APH1B: variants seen among roughly 807,000 people sequenced by gnomAD.
APH1B encodes aph-1B gamma-secretase subunit.
In APH1B, 27 loss-of-function variants were observed where a neutral mutation model predicts 28.2. That is an observed-to-expected ratio of 0.96 (90% CI 0.70 to 1.32). APH1B has a LOEUF of 1.32. Among genes scored for constraint, APH1B ranks in the 40% most tolerant of loss-of-function variants. The probability of loss-of-function intolerance (pLI) is 0.00; values close to 1 mark genes in which losing one functional copy is unlikely to be tolerated. For missense variants in APH1B, 305 were observed against 313.6 expected (o/e 0.97, Z 0.21); for synonymous variants, 141 against 124.6 (o/e 1.13, Z -0.88).
chr15:63,285,612 G>A lies in APH1B; in HGVS notation c.285-946G>A, dbSNP rs556371015. 7.9e-5 allele frequency among the ~76,000 whole-genome samples: 12 copies of A among 152,294 alleles called. No individual in the cohort carries two copies. In the East Asian group the frequency reaches 1.7e-3, roughly 22 times the overall value. On this transcript the variant is annotated intron_variant, in intron 2 of 5. Transcript: ENST00000261879. The stretch of plus-strand genomic sequence containing the variant: ...TTGGCCACAACAGAAGGATGCATAA[G>A]ATCACTCTGAAGATCACTTCTTTAT...
At chr15:63,298,221 A>AT (rs903873311) in intron 4 of APH1B, among the ~76,000 whole-genome samples, 2 of 151,962 alleles carry the variant, frequency 1.3e-5, no homozygotes, top group African/African-American at 4.8e-5. Context: ...TTTTTTATTT[A>AT]TTTTTTTGAG....
At position 63,305,769 on chromosome 15, in the gene APH1B, G is replaced by A. The variant is rs1384199041; in HGVS notation, c.762G>A (p.Gln254=). ...ACAAGAACTTTCTTCTTTACAACCAGCGCTCCAGATAACCTCAGGGAACCA... is the reference window on the plus strand; with the variant it reads ...ACAAGAACTTTCTTCTTTACAACCAACGCTCCAGATAACCTCAGGGAACCA... ...CQDKNFLLYN[Q]RSR Residue 254 remains glutamine (Q), a synonymous_variant, in exon 6 of 6, where the codon CAG becomes CAA. Transcript: ENST00000261879. 6.2e-7 allele frequency: 1 copy of A among 1,613,960 alleles called. No homozygotes were observed. The highest frequency in any genetic ancestry group is 8.5e-7 in the Non-Finnish European group (1 of 1,179,976).
intron 4 of APH1B, among the ~76,000 whole-genome samples, chr15:63,298,259 G>A (rs1595763812): frequency 2.0e-5 from 3 of 152,246 alleles, no homozygotes; most frequent in African/African-American, 7.2e-5. Flanking sequence ...CACCCAGGCT[G>A]GAGTGCAGTG....
intron 2 of APH1B, among the ~76,000 whole-genome samples, chr15:63,282,919 G>T (rs1055501884): frequency 6.6e-6 from 1 of 152,176 alleles, no homozygotes; most frequent in African/African-American, 2.4e-5. Context: ...GAGAAAGATG[G>T]TGTGATTTAG....
chr15:63,301,288 G>A (rs1374246100), intron 4 of APH1B, among the ~76,000 whole-genome samples: 2 of 152,236 alleles, frequency 1.3e-5, no homozygotes, highest in Admixed American at 1.3e-4. Flanking sequence ...CCTATCAGCA[G>A]TATGAAAGAG....
At chr15:63,301,677 G>C (rs565746349) in intron 4 of APH1B, among the ~76,000 whole-genome samples, 10 of 152,128 alleles carry the variant, frequency 6.6e-5, no homozygotes, top group African/African-American at 2.4e-4. Flanking sequence ...CGCCTCCCGG[G>C]TTCAAGTAAT....
chr15:63,278,293 G>A (rs2038348179), intron 1 of APH1B: 1 of 456,296 alleles, frequency 2.2e-6, no homozygotes, highest in Non-Finnish European at 4.4e-6. Flanking sequence ...TTGTGCAGCC[G>A]AAGGGTGGAA....
At chr15:63,299,300 G>A (rs887183486) in intron 4 of APH1B, among the ~76,000 whole-genome samples, 1 of 152,166 alleles carries the variant, frequency 6.6e-6, no homozygotes, top group Non-Finnish European at 1.5e-5. Context: ...GAAAGTCAGG[G>A]CTAATGATGT....
chr15:63,284,446 T>C (rs1018689539), intron 2 of APH1B, among the ~76,000 whole-genome samples: 1 of 152,196 alleles, frequency 6.6e-6, no homozygotes, highest in Non-Finnish European at 1.5e-5. Flanking sequence ...ACTCCTGCGC[T>C]CAAGTGACTT....
intron 2 of APH1B, among the ~76,000 whole-genome samples, chr15:63,280,479 A>G (rs2038374067): frequency 6.6e-6 from 1 of 150,556 alleles, no homozygotes; most frequent in Admixed American, 6.6e-5. Flanking sequence ...CTCAACAACA[A>G]CTCTTTTCAT....
Position 63,305,856 on chromosome 15 carries a change from T to A in APH1B, c.*75T>A. On this transcript the variant is annotated 3_prime_UTR_variant, in exon 6 of 6. Coordinates refer to ENST00000261879, the MANE Select transcript of APH1B (RefSeq NM_031301.4). ...GCACAACTGTGCCTTTTTCTGAAAA[T>A]CCCTTTTTCTGGTGGAATTGAGAAA... 6.6e-7 allele frequency: 1 copy of A among 1,519,118 alleles called. No individual in the cohort carries two copies. The highest frequency in any genetic ancestry group is 8.9e-7 in the Non-Finnish European group (1 of 1,129,628). 94.1% of individuals were successfully genotyped at this position (1,519,118 alleles called of 1,614,324 possible).
intron 4 of APH1B, among the ~76,000 whole-genome samples, chr15:63,300,803 G>C (rs2038618635): frequency 1.3e-5 from 2 of 152,160 alleles, no homozygotes; most frequent in African/African-American, 4.8e-5. Context: ...TCATATCAAT[G>C]AAATAATACG....
intron 4 of APH1B, among the ~76,000 whole-genome samples, chr15:63,298,144 A>G (rs1421779718): frequency 6.6e-6 from 1 of 152,220 alleles, no homozygotes; most frequent in African/African-American, 2.4e-5. Context: ...AAATAAATGT[A>G]AGAGTAATAC....
chr15:63,299,529 C>T (rs969885701), intron 4 of APH1B, among the ~76,000 whole-genome samples: 9 of 152,026 alleles, frequency 5.9e-5, no homozygotes, highest in African/African-American at 1.4e-4. Flanking sequence ...CTCAGCCTCC[C>T]GAGCAGCTGG....
intron 4 of APH1B, among the ~76,000 whole-genome samples, chr15:63,292,417 TGCTCTGTC>T (rs2038515241): frequency 6.6e-6 from 1 of 152,234 alleles, no homozygotes; most frequent in Non-Finnish European, 1.5e-5. Flanking sequence ...GATAAGGTCT[TGCTCTGTC>T]ACTCTGTCAC....
At chr15:63,280,447 C>A (rs1029220443) in intron 2 of APH1B, among the ~76,000 whole-genome samples, 1 of 152,102 alleles carries the variant, frequency 6.6e-6, no homozygotes, top group Non-Finnish European at 1.5e-5. Context: ...CCATGAATTT[C>A]GTGGATATAA....
chr15:63,290,930 A>G (rs188294067), intron 4 of APH1B, among the ~76,000 whole-genome samples: 91 of 151,372 alleles, frequency 6.0e-4, no homozygotes, highest in African/African-American at 2.2e-3. Flanking sequence ...CTAGGCAGGC[A>G]AAGAAAGGAG....
intron 4 of APH1B, among the ~76,000 whole-genome samples, chr15:63,298,906 A>G (rs1045136853): frequency 1.3e-5 from 2 of 152,172 alleles, no homozygotes; most frequent in African/African-American, 4.8e-5. Flanking sequence ...GTAAAAAAAA[A>G]AAAAAAGGAG....
intron 2 of APH1B, among the ~76,000 whole-genome samples, chr15:63,281,192 G>A (rs1314617979): frequency 2.0e-5 from 3 of 151,796 alleles, no homozygotes; most frequent in African/African-American, 4.8e-5. Flanking sequence ...CCTTACTCAA[G>A]TACCAGGTAA....
Sources: allele counts gnomAD v4.1 joint callset (sites outside exome capture counted in the v4.1 genomes callset), GRCh38; gene constraint gnomAD v4.1.1; transcripts MANE v1.5; gene names NCBI Gene and HGNC (gene_info 2026-07-23, HGNC 2026-07-21).